PDE1A: variants seen among roughly 807,000 people sequenced by gnomAD.
PDE1A encodes phosphodiesterase 1A.
In PDE1A, 35 loss-of-function variants were observed where a neutral mutation model predicts 61.7. The ratio of observed to expected loss-of-function variants is 0.57; its 90% CI spans 0.43 to 0.75. PDE1A has a LOEUF of 0.75. PDE1A is among the 30% of genes least tolerant of loss of function. The pLI, the probability that PDE1A is intolerant of heterozygous loss-of-function variation, is 0.00. For synonymous variants in PDE1A, 232 were observed against 213.2 expected, an observed-to-expected ratio of 1.09 and a Z score of -0.77; for missense variants, 597 against 630.6, an observed-to-expected ratio of 0.95 and a Z score of 0.57.
At chr2:182,189,059 C>T (rs867456405) in exon 11 of PDE1A, 1 of 1,607,752 alleles carries the variant, frequency 6.2e-7, no homozygotes, top group Non-Finnish European at 8.5e-7. Context: ...TTCTTTATCT[C>T]CCTGGAGAAA....
rs934277739 is a variant in PDE1A at position 182,147,953 on chromosome 2, C to G, written c.1517-801G>C. Among the ~76,000 whole-genome samples, 3 of 152,276 alleles carry G rather than the reference C, an allele frequency of 2.0e-5. No homozygotes were observed. In the South Asian group the frequency reaches 6.2e-4, roughly 32 times the overall value. Reference sequence around the variant, plus strand: ...TTTAACATATATTGTAGCATTGTATCAATTCAGTTGCAGCATATTTTTGTT... The same window carrying G: ...TTTAACATATATTGTAGCATTGTATGAATTCAGTTGCAGCATATTTTTGTT... On this transcript the variant is annotated intron_variant, in intron 13 of 13. Coordinates refer to the PDE1A transcript ENST00000409365.
intron 1 of PDE1A, among the ~76,000 whole-genome samples, chr2:182,323,268 G>A (rs1286581560): frequency 1.3e-5 from 2 of 152,100 alleles, no homozygotes; most frequent in African/African-American, 4.8e-5. Context: ...TATTGTCAAT[G>A]CTGTTCGATA....
intron 2 of PDE1A, among the ~76,000 whole-genome samples, chr2:182,261,856 T>C (rs1692240370): frequency 6.6e-6 from 1 of 152,182 alleles, no homozygotes; most frequent in Admixed American, 6.5e-5. Flanking sequence ...CATTAGAAGA[T>C]GAATAACGAA....
chr2:182,187,959 T>C (rs1246400176), intron 11 of PDE1A, among the ~76,000 whole-genome samples: 1 of 151,872 alleles, frequency 6.6e-6, no homozygotes, highest in Non-Finnish European at 1.5e-5. Flanking sequence ...TTAGCCAAGA[T>C]GGTCTTGATC....
chr2:182,641,325 T>C, the PDE1A span, among the ~76,000 whole-genome samples: 2 of 152,076 alleles, frequency 1.3e-5, no homozygotes, highest in East Asian at 1.9e-4. Context: ...GAAAATCAAA[T>C]AAAATAATGT....
chr2:182,621,851 AT>A, the PDE1A span, among the ~76,000 whole-genome samples: 1 of 152,184 alleles, frequency 6.6e-6, no homozygotes, highest in Non-Finnish European at 1.5e-5. Context: ...TTAGTATGAA[AT>A]TTACAGGATG....
chr2:182,174,572 A>G (rs1692551672), intron 13 of PDE1A, among the ~76,000 whole-genome samples: 1 of 152,058 alleles, frequency 6.6e-6, no homozygotes, highest in Admixed American at 6.6e-5. Context: ...AAGAAGGGCA[A>G]ATTCACTATT....
Position 182,248,920 on chromosome 2 carries a change from A to T in PDE1A, c.168-8628T>A, listed in dbSNP as rs73047929. Among the ~76,000 whole-genome samples, 1,087 of 152,350 alleles carry T rather than the reference A, an allele frequency of 7.1e-3. 10 individuals are homozygous for T. Among genetic ancestry groups the T allele is most frequent in the African/African-American group, 0.024 (998 of 41,580 alleles). The stretch of plus-strand genomic sequence containing the variant: ...CTTTCCCCTAACATTTCATGGGCTC[A>T]GGGTAGGAGCATATTTCATCCAAAT... On this transcript the variant is annotated intron_variant, in intron 2 of 13. Coordinates refer to ENST00000351439, the Ensembl canonical transcript of PDE1A.
chr2:182,700,450 G>A, the PDE1A span, among the ~76,000 whole-genome samples: 14 of 151,942 alleles, frequency 9.2e-5, no homozygotes, highest in East Asian at 1.9e-4. Context: ...ATGGTGGGGC[G>A]CAGTGGTTCA....
At chr2:182,243,984 C>T (rs1482001169) in intron 2 of PDE1A, among the ~76,000 whole-genome samples, 1 of 152,182 alleles carries the variant, frequency 6.6e-6, no homozygotes, top group Non-Finnish European at 1.5e-5. Flanking sequence ...TCTCCTGCCT[C>T]AGCCTCCTGA....
chr2:182,257,828 G>A (rs1336058508), intron 2 of PDE1A, among the ~76,000 whole-genome samples: 1 of 152,174 alleles, frequency 6.6e-6, no homozygotes, highest in Non-Finnish European at 1.5e-5. Flanking sequence ...GCACCAAGAT[G>A]CTTGATAAGG....
the PDE1A span, among the ~76,000 whole-genome samples, chr2:182,641,403 C>A: frequency 2.0e-3 from 306 of 152,208 alleles, 1 homozygote; most frequent in Non-Finnish European, 3.9e-3. Context: ...AGCTATTCCC[C>A]ATATTTCATA....
intron 2 of PDE1A, among the ~76,000 whole-genome samples, chr2:182,466,184 C>T (rs1011654150): frequency 2.6e-5 from 4 of 151,970 alleles, no homozygotes; most frequent in African/African-American, 9.7e-5. Flanking sequence ...CCTCAGTCCT[C>T]TTTACTCTTG....
intron 13 of PDE1A, among the ~76,000 whole-genome samples, chr2:182,177,399 C>G (rs1311180760): frequency 6.6e-6 from 1 of 151,762 alleles, no homozygotes; most frequent in African/African-American, 2.4e-5. Flanking sequence ...TCAACTTCTT[C>G]CTGGTTTAGT....
At chr2:182,187,325 T>C (rs1685294303) in intron 11 of PDE1A, among the ~76,000 whole-genome samples, 1 of 152,192 alleles carries the variant, frequency 6.6e-6, no homozygotes, top group Non-Finnish European at 1.5e-5. Flanking sequence ...GGCATTGTCC[T>C]CTGGGAGCAT....
chr2:182,661,082 T>C, the PDE1A span, among the ~76,000 whole-genome samples: 1 of 152,242 alleles, frequency 6.6e-6, no homozygotes, highest in Non-Finnish European at 1.5e-5. Flanking sequence ...GTTTGACATT[T>C]GAATGTTTAC....
the PDE1A span, among the ~76,000 whole-genome samples, chr2:182,713,932 C>T: frequency 6.6e-6 from 1 of 152,160 alleles, no homozygotes; most frequent in Non-Finnish European, 1.5e-5. Flanking sequence ...TCCAGCCTTA[C>T]CATCCACCAA....
At chr2:182,494,485 T>C (rs942348764) in intron 2 of PDE1A, among the ~76,000 whole-genome samples, 27 of 152,212 alleles carry the variant, frequency 1.8e-4, no homozygotes, top group African/African-American at 6.3e-4. Context: ...CAGACATGAG[T>C]AACTGTTTAA....
At chr2:182,305,776 T>C (rs189048876) in intron 1 of PDE1A, among the ~76,000 whole-genome samples, 2 of 152,200 alleles carry the variant, frequency 1.3e-5, no homozygotes, top group Admixed American at 6.5e-5. Flanking sequence ...ATTATAATTG[T>C]ATATATTTAT....
Sources: gnomAD v4.1 joint callset for allele counts (sites outside exome capture counted in the v4.1 genomes callset) on GRCh38, gnomAD v4.1.1 for gene constraint, MANE v1.5 for transcripts, NCBI Gene and HGNC (gene_info 2026-07-23, HGNC 2026-07-21) for gene names.